STYXL2: variants seen among roughly 807,000 people sequenced by gnomAD.
STYXL2 encodes serine/threonine/tyrosine-interacting-like protein 2.
In STYXL2, 44 loss-of-function variants were observed where a neutral mutation model predicts 52.4. That is an observed-to-expected ratio of 0.84 (90% CI 0.66 to 1.08). The LOEUF (loss-of-function observed/expected upper bound fraction) is 1.08, where lower values mean the gene tolerates loss of function less well. Among genes scored for constraint, STYXL2 ranks in the 50% least tolerant of loss-of-function variants. The probability of loss-of-function intolerance (pLI) is 0.00; values close to 1 mark genes in which losing one functional copy is unlikely to be tolerated. For missense variants in STYXL2, 1,604 were observed against 1,471.7 expected (o/e 1.09, Z -1.47); for synonymous variants, 604 against 586.9 (o/e 1.03, Z -0.42).
chr1:167,106,174 T>A (rs1186498048), intron 2 of STYXL2, among the ~76,000 whole-genome samples: 3 of 152,188 alleles, frequency 2.0e-5, no homozygotes, highest in African/African-American at 7.2e-5. Flanking sequence ...AAGTCAACGT[T>A]ATTTAGGGAA....
rs371552056 is a variant in STYXL2, at chr1:167,094,922, G to A, written c.73G>A (p.Val25Met). 6.8e-6 allele frequency: 11 copies of A among 1,611,542 alleles called. No individual in the cohort carries two copies. Among genetic ancestry groups the A allele is most frequent in the African/African-American group, 4.0e-5 (3 of 74,968 alleles). Reference protein sequence around the residue: ...SEEDEANVRAVQAHYLRSPSP... With the variant: ...SEEDEANVRAMQAHYLRSPSP... ...GGAGGACGAAGCCAACGTGAGGGCG[G>A]TGCAGGCCCACTACCTCCGAAGCCC... Residue 25 changes from valine (V) to methionine (M), a missense_variant, in exon 2 of 6, where the codon GTG (valine) becomes ATG (methionine). By Grantham distance (21) the Val-to-Met change is conservative (BLOSUM62 1). Transcript: ENST00000361200.
intron 2 of STYXL2, among the ~76,000 whole-genome samples, chr1:167,104,119 G>GA (rs1667460252): frequency 6.6e-6 from 1 of 151,764 alleles, no homozygotes; most frequent in African/African-American, 2.4e-5. Context: ...ACTCTGTCTT[G>GA]AAAAAAAAGA....
At chr1:167,115,505 T>A (rs1224762071) in intron 3 of STYXL2, among the ~76,000 whole-genome samples, 1 of 152,080 alleles carries the variant, frequency 6.6e-6, no homozygotes, top group Non-Finnish European at 1.5e-5. Flanking sequence ...GCTGGGACAT[T>A]TGTTTTTAAA....
At chr1:167,123,180 C>A (rs1667893443) in intron 5 of STYXL2, among the ~76,000 whole-genome samples, 1 of 152,218 alleles carries the variant, frequency 6.6e-6, no homozygotes, top group African/African-American at 2.4e-5. Context: ...ACAGCATCAG[C>A]CTGCCTCTAA....
intron 2 of STYXL2, among the ~76,000 whole-genome samples, chr1:167,103,949 G>A (rs181478626): frequency 7.2e-5 from 11 of 152,038 alleles, no homozygotes; most frequent in African/African-American, 1.4e-4. Context: ...GTGAAACCCC[G>A]TCTCTACTAA....
chr1:167,107,600 A>G (rs1309817834), intron 2 of STYXL2, among the ~76,000 whole-genome samples: 1 of 152,202 alleles, frequency 6.6e-6, no homozygotes, highest in Non-Finnish European at 1.5e-5. Flanking sequence ...TGATTGTTGT[A>G]ACTGCCACAT....
chr1:167,119,506 G>C (rs111466001), intron 5 of STYXL2, 40 bp downstream of exon 5: 8 of 1,568,660 alleles, frequency 5.1e-6, no homozygotes, highest in African/African-American at 1.3e-5. Flanking sequence ...GGAATTCCAC[G>C]GGGGAAAAGT....
chr1:167,106,591 T>TA (rs1475041480), intron 2 of STYXL2, among the ~76,000 whole-genome samples: 1 of 152,186 alleles, frequency 6.6e-6, no homozygotes, highest in Non-Finnish European at 1.5e-5. Context: ...AATAAAATAA[T>TA]AAAACTCCCT....
At chr1:167,121,389 G>A (rs1221055953) in intron 5 of STYXL2, among the ~76,000 whole-genome samples, 1 of 152,238 alleles carries the variant, frequency 6.6e-6, no homozygotes, top group Non-Finnish European at 1.5e-5. Context: ...TGCGGCGTAA[G>A]GAGTGTGTCC....
chr1:167,117,994 T>G (rs1003236676), intron 4 of STYXL2, among the ~76,000 whole-genome samples: 2 of 152,216 alleles, frequency 1.3e-5, no homozygotes, highest in African/African-American at 2.4e-5. Context: ...AGAGAAGACA[T>G]GTACAGTGTG....
rs1668032335 is a variant in STYXL2 at position 167,128,815 on chromosome 1, G to A, written c.*207G>A. 2 of 758,506 alleles carry A rather than the reference G, an allele frequency of 2.6e-6. No individual in the cohort carries two copies. The highest frequency in any genetic ancestry group is 4.1e-5 in the South Asian group (2 of 49,350). 47.0% of individuals were successfully genotyped at this position (758,506 alleles called of 1,614,324 possible). On this transcript the variant is annotated 3_prime_UTR_variant, in exon 6 of 6. Coordinates refer to ENST00000361200, the MANE Select transcript of STYXL2 (RefSeq NM_001080426.3). ...GGGAGAACCATCAATACGAATACGA[G>A]GTCCGAATGCGGACCAACTGATACC... is the stretch of plus-strand genomic sequence containing the variant.
chr1:167,099,396 C>T (rs1486747904), intron 2 of STYXL2, among the ~76,000 whole-genome samples: 1 of 152,184 alleles, frequency 6.6e-6, no homozygotes, highest in Non-Finnish European at 1.5e-5. Flanking sequence ...ACAGGATACA[C>T]ATTCTTACCA....
chr1:167,117,303 T>A (rs777439948), intron 3 of STYXL2, 25 bp from the exon 4 acceptor site: 1 of 1,570,990 alleles, frequency 6.4e-7, no homozygotes. Flanking sequence ...AACTCTCTGA[T>A]GAGAATGCTG....
At chr1:167,121,664 G>A (rs1667859743) in intron 5 of STYXL2, among the ~76,000 whole-genome samples, 2 of 152,208 alleles carry the variant, frequency 1.3e-5, no homozygotes. Context: ...TTCCTGTCGC[G>A]GGTGTAACCC....
At position 167,094,655 on chromosome 1, in the gene STYXL2, T is replaced by C. The variant is rs1300298753; in HGVS notation, c.-16-179T>C. Among the ~76,000 whole-genome samples, 4 of 152,132 alleles carry C rather than the reference T, an allele frequency of 2.6e-5. No homozygotes were observed. The South Asian group carries it at 6.2e-4, about 24-fold the overall frequency. Reference sequence around the variant, plus strand: ...CTCCTAATATGGCGGGGTGCACTTCTTGGTGTCCCGGTAACAGTGGCTGGG... The same window carrying C: ...CTCCTAATATGGCGGGGTGCACTTCCTGGTGTCCCGGTAACAGTGGCTGGG... On this transcript the variant is annotated intron_variant, in intron 1 of 5. Transcript: ENST00000361200.
intron 2 of STYXL2, among the ~76,000 whole-genome samples, chr1:167,098,013 T>G (rs1229838058): frequency 3.5e-5 from 5 of 141,078 alleles, no homozygotes; most frequent in Non-Finnish European, 7.7e-5. Flanking sequence ...CTTTTTTTTT[T>G]TTTTTTTTTT....
At position 167,126,297 on chromosome 1, in the gene STYXL2, T is replaced by C; in HGVS notation, c.1166T>C (p.Val389Ala). The change falls in exon 6 of 6, where the codon GTG becomes GCG. Residue 389 changes from valine to alanine, a missense_variant. Physicochemically the swap from Val to Ala is moderately conservative, Grantham distance 64 (BLOSUM62 0). Coordinates refer to ENST00000361200, the MANE Select transcript of STYXL2 (RefSeq NM_001080426.3). ...QGGEELEDED[V>A]ERIIQEWQSR... is the part of the protein sequence containing the mutation. ...GGGGAGGAGCTCGAGGACGAGGACG[T>C]GGAGAGGATCATCCAGGAGTGGCAG... is the stretch of plus-strand genomic sequence containing the variant. 2 of 1,527,748 alleles carry C rather than the reference T, an allele frequency of 1.3e-6. No individual in the cohort carries two copies. The highest frequency in any genetic ancestry group is 1.8e-6 in the Non-Finnish European group (2 of 1,136,632). The allele number at this position is 1,527,748 out of a possible 1,614,324, so 94.6% of individuals were successfully genotyped here. A position where few individuals can be genotyped will look rare whatever the true frequency, so the allele number is the denominator to read the frequency against.
At chr1:167,120,159 T>C (rs535047636) in intron 5 of STYXL2, among the ~76,000 whole-genome samples, 1 of 152,040 alleles carries the variant, frequency 6.6e-6, no homozygotes, top group East Asian at 1.9e-4. Context: ...AGGTAGAGAG[T>C]AGTGCTTTGG....
At chr1:167,120,731 C>A (rs771323378) in intron 5 of STYXL2, among the ~76,000 whole-genome samples, 32 of 151,594 alleles carry the variant, frequency 2.1e-4, no homozygotes, top group Middle Eastern at 6.8e-3. Flanking sequence ...ATCCTCCCAC[C>A]TCGGCCTCCC....
Sources: allele counts gnomAD v4.1 joint callset (sites outside exome capture counted in the v4.1 genomes callset), GRCh38; gene constraint gnomAD v4.1.1; transcripts MANE v1.5; gene names NCBI Gene and HGNC (gene_info 2026-07-23, HGNC 2026-07-21).